LHFPL6: variants seen among roughly 807,000 people sequenced by gnomAD.
LHFPL6 encodes LHFPL tetraspan subfamily member 6, also known as LHFPL tetraspan subfamily member 6 protein.
A neutral mutation model predicts 20.6 loss-of-function variants in LHFPL6; 9 were observed. The observed-to-expected ratio is 0.44, with a 90% CI of 0.26 to 0.76. LHFPL6 has a LOEUF of 0.76. LHFPL6 is among the 30% of genes least tolerant of loss of function. LHFPL6 has a pLI of 0.20. For missense variants in LHFPL6, 218 were observed against 253.5 expected, an observed-to-expected ratio of 0.86 and a Z score of 0.95; for synonymous variants, 105 against 98.7, an observed-to-expected ratio of 1.06 and a Z score of -0.38.
At chr13:39,471,733 T>C (rs1034769138) in intron 2 of LHFPL6, among the ~76,000 whole-genome samples, 1 of 152,250 alleles carries the variant, frequency 6.6e-6, no homozygotes, top group African/African-American at 2.4e-5. Context: ...GACCAGGATG[T>C]TCAACCTTGT....
intron 2 of LHFPL6, among the ~76,000 whole-genome samples, chr13:39,538,050 G>A (rs1036875740): frequency 2.7e-5 from 4 of 148,740 alleles, no homozygotes. Flanking sequence ...GAGTGCAGTG[G>A]CGGGATCTCA....
rs71077225 is a variant in LHFPL6, at chr13:39,345,512, C to CAAAAAAAAAAAAAAAAAAAAAAAAAAAA, written c.485-1486_485-1459dup. ...TGGGTCAGGGAGCGAGACTCCATCT[C>CAAAAAAAAAAAAAAAAAAAAAAAAAAAA]AAAAAAAAAAAAAAAAAAAAAAAAA... On this transcript the variant is annotated intron_variant, in intron 3 of 3. Coordinates refer to ENST00000379589, the MANE Select transcript of LHFPL6 (RefSeq NM_005780.3). Among the ~76,000 whole-genome samples, 2 of 43,454 alleles carry CAAAAAAAAAAAAAAAAAAAAAAAAAAAA rather than the reference C, an allele frequency of 4.6e-5. 1 individual carries two copies. The highest frequency in any genetic ancestry group is 9.8e-5 in the Non-Finnish European group (2 of 20,314). The allele number at this position is 43,454 out of a possible 152,430, so 28.5% of individuals were successfully genotyped here.
At chr13:39,392,582 T>A (rs1870737583) in intron 2 of LHFPL6, among the ~76,000 whole-genome samples, 1 of 149,840 alleles carries the variant, frequency 6.7e-6, no homozygotes, top group Admixed American at 6.6e-5. Context: ...CAACAAGAGC[T>A]AAACTCCGTC....
At chr13:39,413,534 T>C (rs1317515831) in intron 2 of LHFPL6, among the ~76,000 whole-genome samples, 2 of 150,362 alleles carry the variant, frequency 1.3e-5, no homozygotes, top group African/African-American at 4.9e-5. Context: ...TCCTCCTGCC[T>C]CAACCTCCTG....
chr13:39,566,731 T>TAAAAAAAA (rs3035077), intron 2 of LHFPL6, among the ~76,000 whole-genome samples: 2 of 70,088 alleles, frequency 2.9e-5, no homozygotes, highest in African/African-American at 5.7e-5. Context: ...AGACCCTGTC[T>TAAAAAAAA]AAAAAAAAAA....
intron 2 of LHFPL6, among the ~76,000 whole-genome samples, chr13:39,492,749 C>T (rs1438640425): frequency 6.6e-6 from 1 of 152,104 alleles, no homozygotes. Flanking sequence ...ACTGCAACCT[C>T]CGCTTACCTC....
intron 3 of LHFPL6, among the ~76,000 whole-genome samples, chr13:39,346,746 T>C (rs1381803580): frequency 6.6e-6 from 1 of 152,162 alleles, no homozygotes; most frequent in African/African-American, 2.4e-5. Context: ...GATCAAGCCA[T>C]GCTCTTACTT....
intron 2 of LHFPL6, among the ~76,000 whole-genome samples, chr13:39,517,100 A>AGTACC (rs1447787228): frequency 6.6e-6 from 1 of 152,200 alleles, no homozygotes. Context: ...CCATGGTACT[A>AGTACC]AAGGGAAAGG....
intron 3 of LHFPL6, among the ~76,000 whole-genome samples, chr13:39,346,511 G>C (rs1869403976): frequency 6.6e-6 from 1 of 152,144 alleles, no homozygotes. Context: ...CAGAAGGGAA[G>C]ACTGAGGCCA....
intron 3 of LHFPL6, among the ~76,000 whole-genome samples, chr13:39,359,608 C>T (rs1343351994): frequency 1.3e-5 from 2 of 152,042 alleles, no homozygotes; most frequent in Non-Finnish European, 2.9e-5. Context: ...AAGATGGGAA[C>T]AATAGATATT....
At chr13:39,542,740 G>A (rs192716706) in intron 2 of LHFPL6, among the ~76,000 whole-genome samples, 1 of 152,250 alleles carries the variant, frequency 6.6e-6, no homozygotes, top group Non-Finnish European at 1.5e-5. Context: ...TTGTCCTCTG[G>A]CACTTGGTTC....
intron 2 of LHFPL6, among the ~76,000 whole-genome samples, chr13:39,581,459 G>A (rs1872279533): frequency 6.6e-6 from 1 of 151,640 alleles, no homozygotes; most frequent in Admixed American, 6.6e-5. Context: ...AGCCACCAGT[G>A]GGTGGATGAG....
chr13:39,501,974 G>A (rs1175729700), intron 2 of LHFPL6, among the ~76,000 whole-genome samples: 1 of 152,166 alleles, frequency 6.6e-6, no homozygotes, highest in Non-Finnish European at 1.5e-5. Context: ...TGAGCCAAGG[G>A]CCCAGGAGGT....
chr13:39,459,194 ATGTGTGTGTGTGTG>A lies in LHFPL6; in HGVS notation c.386-80682_386-80669del, dbSNP rs58955444. ...CAGTAATAGCTGGACAAGTTCCTTA[ATGTGTGTGTGTGTG>A]TGTGTGTGTGTGTGTGTGTGTGTGT... On this transcript the variant is annotated intron_variant, in intron 2 of 3. Transcript: ENST00000379589. Among the ~76,000 whole-genome samples the A allele has an allele frequency of 9.1e-3, 1,239 of 136,060 alleles. 21 individuals carry two copies. The highest frequency in any genetic ancestry group is 0.047 in the East Asian group (228 of 4,874). The allele number at this position is 136,060 out of a possible 152,430, so 89.3% of individuals were successfully genotyped here.
intron 2 of LHFPL6, among the ~76,000 whole-genome samples, chr13:39,437,772 G>A (rs1872003134): frequency 6.6e-6 from 1 of 151,952 alleles, no homozygotes; most frequent in Non-Finnish European, 1.5e-5. Flanking sequence ...CGTGGTGGCG[G>A]GTGCCTGTAG....
At position 39,454,608 on chromosome 13, in the gene LHFPL6, G is replaced by A. The variant is rs1207127961; in HGVS notation, c.386-76082C>T. Among the ~76,000 whole-genome samples, 4 of 29,878 alleles carry A rather than the reference G, an allele frequency of 1.3e-4. 1 individual carries two copies. The highest frequency in any genetic ancestry group is 3.2e-4 in the Admixed American group (1 of 3,078). The allele number at this position is 29,878 out of a possible 152,430, so 19.6% of individuals were successfully genotyped here. A position where few individuals can be genotyped will look rare whatever the true frequency, so the allele number is the denominator to read the frequency against. On this transcript the variant is annotated intron_variant, in intron 2 of 3. Transcript: ENST00000379589. ...CCCGCCACTGCACTCCAGCCTGGGC[G>A]ACAGAGCGAGACTCCGTCTCAAAAA...
At chr13:39,450,172 C>T (rs781634475) in intron 2 of LHFPL6, among the ~76,000 whole-genome samples, 6 of 152,128 alleles carry the variant, frequency 3.9e-5, no homozygotes, top group Non-Finnish European at 8.8e-5. Flanking sequence ...ATGTTAGAAG[C>T]CATAAATAAA....
intron 3 of LHFPL6, among the ~76,000 whole-genome samples, chr13:39,361,769 G>A (rs75328949): frequency 0.064 from 9,763 of 152,118 alleles, 406 homozygotes; most frequent in South Asian, 0.15. Flanking sequence ...AAAATATATC[G>A]GTATAAGGTC....
chr13:39,421,231 T>C (rs1363457594), intron 2 of LHFPL6, among the ~76,000 whole-genome samples: 1 of 152,240 alleles, frequency 6.6e-6, no homozygotes, highest in Non-Finnish European at 1.5e-5. Flanking sequence ...ACCAAAGTGA[T>C]GCTCAGGTAT....
Sources: allele counts gnomAD v4.1 joint callset (sites outside exome capture counted in the v4.1 genomes callset), GRCh38; gene constraint gnomAD v4.1.1; transcripts MANE v1.5; gene names NCBI Gene and HGNC (gene_info 2026-07-23, HGNC 2026-07-21).